The following GLYAT variants were observed in gnomAD, a reference collection of about 807,000 sequenced individuals.
The protein encoded by GLYAT is glycine-N-acyltransferase.
Under a neutral mutation model 22.8 loss-of-function variants are expected in GLYAT, and 25 were observed. The ratio of observed to expected loss-of-function variants is 1.09; its 90% CI spans 0.80 to 1.53. The LOEUF is 1.53. GLYAT is among the 40% of genes most tolerant of loss of function. The probability of loss-of-function intolerance (pLI) is 0.00; values close to 1 mark genes in which losing one functional copy is unlikely to be tolerated. For synonymous variants in GLYAT, 140 were observed against 122.7 expected (o/e 1.14, Z -0.93); for missense variants, 411 against 353.9 (o/e 1.16, Z -1.29).
At chr11:58,714,403 A>C (rs1357467382) in intron 3 of GLYAT, among the ~76,000 whole-genome samples, 1 of 152,200 alleles carries the variant, frequency 6.6e-6, no homozygotes, top group African/African-American at 2.4e-5. Flanking sequence ...GTTTTGAAAT[A>C]AGCTTATGCA....
At chr11:58,715,940 G>A (rs1221649099) in intron 2 of GLYAT, among the ~76,000 whole-genome samples, 1 of 152,218 alleles carries the variant, frequency 6.6e-6, no homozygotes, top group East Asian at 1.9e-4. Flanking sequence ...ATATCCAGAA[G>A]AGTAATTGCT....
At chr11:58,724,557 G>C (rs1856792521) in intron 1 of GLYAT, 46 bp from the exon 2 acceptor site, 1 of 1,056,330 alleles carries the variant, frequency 9.5e-7, no homozygotes, top group African/African-American at 1.6e-5. Context: ...AAAGCTAGAG[G>C]AGATTCTGAA....
intron 3 of GLYAT, 139 bp downstream of exon 3, chr11:58,715,177 C>T: frequency 1.8e-6 from 1 of 554,944 alleles, no homozygotes; most frequent in Non-Finnish European, 3.2e-6. Flanking sequence ...CTTTCAGACT[C>T]CGAGCTTCTT....
chr11:58,711,464 C>T (rs758405095), intron 4 of GLYAT, among the ~76,000 whole-genome samples: 26 of 152,152 alleles, frequency 1.7e-4, no homozygotes, highest in Non-Finnish European at 2.2e-4. Context: ...TATTTCTTTA[C>T]AGCACTGGGG....
In GLYAT at chr11:58,709,514, G is replaced by A; in HGVS notation, c.*252C>T. 2.4e-6 allele frequency: 1 copy of A among 411,450 alleles called. No homozygotes were observed. Among genetic ancestry groups the A allele is most frequent in the Non-Finnish European group, 4.3e-6 (1 of 229,952 alleles). 25.5% of individuals were successfully genotyped at this position (411,450 alleles called of 1,614,324 possible). A position where few individuals can be genotyped will look rare whatever the true frequency, so the allele number is the denominator to read the frequency against. ...AATATGTATCTGATGAAGTGTCATA[G>A]AGGTCCTGGAAATGTGGGGAGGTAA... On this transcript the variant is annotated 3_prime_UTR_variant, in exon 6 of 6. Transcript: ENST00000344743.
At chr11:58,711,000 A>G (rs887748136) in intron 4 of GLYAT, among the ~76,000 whole-genome samples, 2 of 152,176 alleles carry the variant, frequency 1.3e-5, no homozygotes, top group South Asian at 2.1e-4. Context: ...AAATTTATTC[A>G]AAGACCTGTG....
intron 1 of GLYAT, among the ~76,000 whole-genome samples, chr11:58,730,099 G>A (rs547223676): frequency 3.3e-5 from 5 of 152,236 alleles, no homozygotes; most frequent in African/African-American, 9.6e-5. Flanking sequence ...TAGCATTCCC[G>A]GGCATAAACT....
intron 1 of GLYAT, among the ~76,000 whole-genome samples, chr11:58,731,290 T>A (rs1856868604): frequency 1.3e-5 from 2 of 152,204 alleles, no homozygotes; most frequent in South Asian, 4.1e-4. Flanking sequence ...ACACACTCAG[T>A]ATTCTATTCA....
intron 3 of GLYAT, among the ~76,000 whole-genome samples, chr11:58,714,685 C>T (rs1856657858): frequency 6.6e-6 from 1 of 152,044 alleles, no homozygotes; most frequent in Non-Finnish European, 1.5e-5. Context: ...TTATAAGGGG[C>T]TTCCCCATTT....
At chr11:58,724,712 C>A (rs936990593) in intron 1 of GLYAT, among the ~76,000 whole-genome samples, 1 of 151,706 alleles carries the variant, frequency 6.6e-6, no homozygotes, top group Non-Finnish European at 1.5e-5. Context: ...TTTTTCTTAC[C>A]CTTTGATGAA....
At position 58,717,422 on chromosome 11, in the gene GLYAT, G is replaced by T. The variant is rs538468118; in HGVS notation, c.82-1999C>A. Among the ~76,000 whole-genome samples, 14 of 152,074 alleles carry T rather than the reference G, an allele frequency of 9.2e-5. No homozygotes were observed. In the South Asian group the frequency reaches 1.0e-3, roughly 11 times the overall value. On this transcript the variant is annotated intron_variant, in intron 2 of 5. Transcript: ENST00000344743. Reference sequence around the variant, plus strand: ...TCTAAAATCCATACATTAATAGGCAGGTATGAAAGTGGCTTATGTATGTAA... The same window carrying T: ...TCTAAAATCCATACATTAATAGGCATGTATGAAAGTGGCTTATGTATGTAA...
rs1856585940 is a variant in GLYAT, at chr11:58,709,752, G to A, written c.*14C>T. 3.8e-6 allele frequency: 6 copies of A among 1,597,404 alleles called. No individual in the cohort carries two copies. Among genetic ancestry groups the A allele is most frequent in the Non-Finnish European group, 5.1e-6 (6 of 1,170,312 alleles). On this transcript the variant is annotated 3_prime_UTR_variant, in exon 6 of 6. Coordinates refer to ENST00000344743, the MANE Select transcript of GLYAT (RefSeq NM_201648.3). ...CCAGACCTGCCCAACACTGTCTTATGTTCAGGATTGGCATCACAGAGGTAC... is the reference window on the plus strand; with the variant it reads ...CCAGACCTGCCCAACACTGTCTTATATTCAGGATTGGCATCACAGAGGTAC...
chr11:58,710,484 C>A, intron 5 of GLYAT, 106 bp downstream of exon 5: 1 of 910,342 alleles, frequency 1.1e-6, no homozygotes, highest in Non-Finnish European at 1.8e-6. Flanking sequence ...ATTCTGATTT[C>A]TTTGTACAAC....
intron 2 of GLYAT, among the ~76,000 whole-genome samples, chr11:58,718,591 G>A (rs1342792301): frequency 2.0e-5 from 3 of 151,720 alleles, no homozygotes; most frequent in African/African-American, 7.3e-5. Flanking sequence ...TTCTAAAGAG[G>A]ACCAACACAA....
intron 2 of GLYAT, among the ~76,000 whole-genome samples, chr11:58,723,543 G>A (rs1856778085): frequency 6.6e-6 from 1 of 152,032 alleles, no homozygotes; most frequent in South Asian, 2.1e-4. Flanking sequence ...TAGGGAATGG[G>A]TAATTTGAAT....
chr11:58,709,647 C>G lies in GLYAT; in HGVS notation c.*119G>C. On this transcript the variant is annotated 3_prime_UTR_variant, in exon 6 of 6. Transcript: ENST00000344743. ...GAACATCACACTGCTTCCCCAGAGTCCAAACAGTGCCCACTCCTTTACTGC... is the reference window on the plus strand; with the variant it reads ...GAACATCACACTGCTTCCCCAGAGTGCAAACAGTGCCCACTCCTTTACTGC... 1 of 1,053,524 alleles carries G rather than the reference C, an allele frequency of 9.5e-7. No homozygotes were observed. Among genetic ancestry groups the G allele is most frequent in the Non-Finnish European group, 1.4e-6 (1 of 722,988 alleles). 65.3% of individuals were successfully genotyped at this position (1,053,524 alleles called of 1,614,324 possible).
chr11:58,719,950 G>T (rs1856728912), intron 2 of GLYAT, among the ~76,000 whole-genome samples: 1 of 151,648 alleles, frequency 6.6e-6, no homozygotes, highest in Non-Finnish European at 1.5e-5. Flanking sequence ...GGAATTTCTG[G>T]TTTGTCCTGA....
Position 58,710,017 on chromosome 11 carries a change from C to T in GLYAT, c.640G>A (p.Gly214Arg). ...ATTAGATCCCAGCACACAGGGGTCCCCTCAGGCCCCAGGAGACAGCAGGTG... is the reference window on the plus strand; with the variant it reads ...ATTAGATCCCAGCACACAGGGGTCCTCTCAGGCCCCAGGAGACAGCAGGTG... ...FPTCCLLGPE[G>R]TPVCWDLMDQ... Residue 214 changes from glycine (G) to arginine (R), a missense_variant, in exon 6 of 6, where the codon GGG (glycine) becomes AGG (arginine). Physicochemically the swap from Gly to Arg is moderately radical, Grantham distance 125. Coordinates refer to ENST00000344743, the MANE Select transcript of GLYAT (RefSeq NM_201648.3). The T allele has an allele frequency of 6.2e-7, 1 of 1,614,098 alleles. No individual in the cohort carries two copies. Among genetic ancestry groups the T allele is most frequent in the Non-Finnish European group, 8.5e-7 (1 of 1,179,964 alleles).
At chr11:58,715,536 A>G in intron 2 of GLYAT, 113 bp from the exon 3 acceptor site, 1 of 621,900 alleles carries the variant, frequency 1.6e-6, no homozygotes, top group Non-Finnish European at 2.9e-6. Flanking sequence ...TTATGATACA[A>G]AGTAGCCAAA....
Sources: gnomAD v4.1 joint callset for allele counts (sites outside exome capture counted in the v4.1 genomes callset) on GRCh38, gnomAD v4.1.1 for gene constraint, MANE v1.5 for transcripts, NCBI Gene and HGNC (gene_info 2026-07-23, HGNC 2026-07-21) for gene names.